Variants in WDPCP observed in about 807,000 individuals in gnomAD.
WDPCP encodes the protein WD repeat-containing and planar cell polarity effector protein fritz homolog.
A neutral mutation model predicts 93.1 loss-of-function variants in WDPCP; 71 were observed. The observed-to-expected ratio is 0.76, with a 90% CI of 0.63 to 0.93. WDPCP has a LOEUF of 0.93. Among genes scored for constraint, WDPCP ranks in the 40% least tolerant of loss-of-function variants. WDPCP has a pLI of 0.00. For missense variants in WDPCP, 844 were observed against 887.4 expected (o/e 0.95, Z 0.62); for synonymous variants, 315 against 315.0 (o/e 1.00, Z 0.00).
intron 2 of WDPCP, among the ~76,000 whole-genome samples, chr2:63,680,075 T>G (rs1710473262): frequency 6.6e-6 from 1 of 152,204 alleles, no homozygotes; most frequent in South Asian, 2.1e-4. Flanking sequence ...TGCTAGGGTC[T>G]GAATATCCCC....
At chr2:63,678,980 C>T (rs554063357) in intron 2 of WDPCP, among the ~76,000 whole-genome samples, 12 of 152,322 alleles carry the variant, frequency 7.9e-5, no homozygotes, top group East Asian at 1.9e-4. Flanking sequence ...TGGCTACTTC[C>T]GCAGGGTCAT....
At chr2:63,733,697 A>C (rs2103831796) in intron 2 of WDPCP, among the ~76,000 whole-genome samples, 1 of 152,134 alleles carries the variant, frequency 6.6e-6, no homozygotes, top group Admixed American at 6.5e-5. Context: ...CTGGAAGAAA[A>C]CCTCTGGAAA....
At chr2:63,153,462 C>T (rs756581622) in intron 16 of WDPCP, 33 bp downstream of exon 16, 1 of 1,536,180 alleles carries the variant, frequency 6.5e-7, no homozygotes, top group Non-Finnish European at 9.0e-7. Flanking sequence ...TTCTGTTATA[C>T]TTTGAATACT....
At position 63,321,386 on chromosome 2, in the gene WDPCP, C is replaced by CTGTG. The variant is rs59970085; in HGVS notation, c.1749-8079_1749-8076dup. On this transcript the variant is annotated intron_variant, in intron 12 of 17. Transcript: ENST00000272321. Reference sequence around the variant, plus strand: ...GTGTGTATAGACATATATATACACTCTGTGTGTGTGTGTGTGTGTGTGTGT... The same window carrying CTGTG: ...GTGTGTATAGACATATATATACACTCTGTGTGTGTGTGTGTGTGTGTGTGTGTGT... Among the ~76,000 whole-genome samples, 383 of 148,618 alleles carry CTGTG rather than the reference C, an allele frequency of 2.6e-3. 2 individuals carry two copies. The highest frequency in any genetic ancestry group is 0.023 in the East Asian group (116 of 5,032).
chr2:63,195,309 A>G (rs1675342470), intron 14 of WDPCP, among the ~76,000 whole-genome samples: 1 of 152,230 alleles, frequency 6.6e-6, no homozygotes, highest in Non-Finnish European at 1.5e-5. Context: ...GATAATTATG[A>G]GATTTATTCT....
At chr2:63,305,854 A>G (rs1028135857) in intron 13 of WDPCP, among the ~76,000 whole-genome samples, 4 of 152,182 alleles carry the variant, frequency 2.6e-5, no homozygotes, top group Non-Finnish European at 5.9e-5. Flanking sequence ...TTAGAGAAGA[A>G]CATAAATGAC....
At chr2:63,740,063 C>T (rs975142257) in intron 2 of WDPCP, among the ~76,000 whole-genome samples, 1 of 151,968 alleles carries the variant, frequency 6.6e-6, no homozygotes, top group Non-Finnish European at 1.5e-5. Flanking sequence ...TATGTGATTA[C>T]ACTACAATTT....
At chr2:63,297,875 G>A (rs551490478) in intron 13 of WDPCP, among the ~76,000 whole-genome samples, 1 of 152,300 alleles carries the variant, frequency 6.6e-6, no homozygotes, top group African/African-American at 2.4e-5. Context: ...GCAAAGTAAT[G>A]TGTCTGATTT....
intron 15 of WDPCP, among the ~76,000 whole-genome samples, chr2:63,157,201 G>T (rs1168200908): frequency 6.6e-6 from 1 of 151,726 alleles, no homozygotes; most frequent in Non-Finnish European, 1.5e-5. Flanking sequence ...CATTCCCAAG[G>T]TAAATCCCAC....
intron 1 of WDPCP, among the ~76,000 whole-genome samples, chr2:63,534,015 A>AC (rs1704067477): frequency 6.6e-6 from 1 of 152,098 alleles, no homozygotes; most frequent in African/African-American, 2.4e-5. Flanking sequence ...TGCAAAAAAA[A>AC]TGATAAAAGG....
intron 10 of WDPCP, among the ~76,000 whole-genome samples, chr2:63,398,794 C>G (rs897348491): frequency 1.8e-4 from 28 of 152,028 alleles, no homozygotes; most frequent in South Asian, 4.1e-4. Context: ...ATAAATGCTC[C>G]CTAGTGGGAA....
At chr2:63,699,834 T>G (rs1245951117) in intron 2 of WDPCP, among the ~76,000 whole-genome samples, 1 of 152,118 alleles carries the variant, frequency 6.6e-6, no homozygotes, top group East Asian at 1.9e-4. Context: ...GTCTTAGAAT[T>G]GACAAAACAC....
At chr2:63,638,868 C>T (rs1390372869) in intron 3 of WDPCP, among the ~76,000 whole-genome samples, 1 of 150,518 alleles carries the variant, frequency 6.6e-6, no homozygotes, top group African/African-American at 2.4e-5. Context: ...TGTTGACACA[C>T]CTCTAGGGTG....
At chr2:63,611,741 T>C (rs1350147159) in intron 3 of WDPCP, among the ~76,000 whole-genome samples, 1 of 152,200 alleles carries the variant, frequency 6.6e-6, no homozygotes. Flanking sequence ...AGTAGAAATA[T>C]ATACGCTTTC....
intron 10 of WDPCP, among the ~76,000 whole-genome samples, chr2:63,391,430 A>G (rs1485217769): frequency 2.0e-5 from 3 of 152,192 alleles, no homozygotes; most frequent in African/African-American, 7.2e-5. Context: ...CCCACAGCCA[A>G]TATCATACTG....
chr2:63,759,139 G>C (rs1299626863), intron 2 of WDPCP, among the ~76,000 whole-genome samples: 1 of 152,134 alleles, frequency 6.6e-6, no homozygotes, highest in East Asian at 1.9e-4. Flanking sequence ...GGCATGCTGG[G>C]AAGGCAGGGG....
chr2:63,702,147 T>C (rs1466030894), intron 2 of WDPCP, among the ~76,000 whole-genome samples: 1 of 152,120 alleles, frequency 6.6e-6, no homozygotes, highest in Non-Finnish European at 1.5e-5. Flanking sequence ...TGCCTCAGCC[T>C]CCCGAGTAGC....
the WDPCP span, among the ~76,000 whole-genome samples, chr2:63,835,719 T>C: frequency 6.6e-6 from 1 of 152,140 alleles, no homozygotes; most frequent in African/African-American, 2.4e-5. Flanking sequence ...TCTCTAAATA[T>C]GACATACCTC....
intron 12 of WDPCP, among the ~76,000 whole-genome samples, chr2:63,313,886 A>ATATATTTT: frequency 2.7e-5 from 2 of 74,470 alleles, no homozygotes; most frequent in South Asian, 4.8e-4. Flanking sequence ...ATATATATAT[A>ATATATTTT]TTTTTTTTTT....
Sources: gnomAD v4.1 joint callset for allele counts (sites outside exome capture counted in the v4.1 genomes callset) on GRCh38, gnomAD v4.1.1 for gene constraint, MANE v1.5 for transcripts, NCBI Gene and HGNC (gene_info 2026-07-23, HGNC 2026-07-21) for gene names.